Variants in SAMMSON observed in about 807,000 individuals in gnomAD.
SAMMSON encodes survival associated mitochondrial melanoma specific oncogenic non-coding RNA.
intron 3 of SAMMSON, among the ~76,000 whole-genome samples, chr3:70,031,879 G>A (rs1311838178): frequency 6.6e-6 from 1 of 152,118 alleles, no homozygotes; most frequent in Non-Finnish European, 1.5e-5. Context: ...CAGGCTCACA[G>A]TAAGCATGCA....
chr3:70,183,614 G>A (rs1409627329), intron 4 of SAMMSON: 5 of 152,120 alleles, frequency 3.3e-5, no homozygotes. Flanking sequence ...ATTACTTGAG[G>A]AGCAGCTTTC....
At chr3:70,339,572 C>G (rs1284428342) in intron 7 of SAMMSON, among the ~76,000 whole-genome samples, 1 of 152,134 alleles carries the variant, frequency 6.6e-6, no homozygotes, top group Admixed American at 6.5e-5. Context: ...AATCAAACAA[C>G]CCCATCAGCA....
At chr3:70,401,365 G>T (rs1056012863) in intron 2 of SAMMSON, among the ~76,000 whole-genome samples, 1 of 152,148 alleles carries the variant, frequency 6.6e-6, no homozygotes, top group African/African-American at 2.4e-5. Context: ...ATCCAAGAAT[G>T]CAAGTTTCAA....
chr3:70,208,261 G>A (rs1701310635), intron 4 of SAMMSON, among the ~76,000 whole-genome samples: 1 of 152,022 alleles, frequency 6.6e-6, no homozygotes, highest in African/African-American at 2.4e-5. Flanking sequence ...TGCCTGGTTG[G>A]TTCAATAATG....
At chr3:70,386,632 A>G (rs1575638762) in intron 9 of SAMMSON, among the ~76,000 whole-genome samples, 2 of 152,168 alleles carry the variant, frequency 1.3e-5, no homozygotes, top group East Asian at 1.9e-4. Flanking sequence ...GTAAAGCCCA[A>G]TGTAATTAGA....
rs190240489 is a variant in SAMMSON at position 70,367,113 on chromosome 3, G to A, written n.913+8789G>A. Among the ~76,000 whole-genome samples, 377 of 151,556 alleles carry A rather than the reference G, an allele frequency of 2.5e-3. 5 individuals carry two copies. The highest frequency in any genetic ancestry group is 2.4e-4 in the Non-Finnish European group (16 of 67,580). Reference sequence around the variant, plus strand: ...CATACAGTAAGCAATGATTAAATCCGGGTAATTGAGATATCTTTCCATCAC... The same window carrying A: ...CATACAGTAAGCAATGATTAAATCCAGGTAATTGAGATATCTTTCCATCAC... On this transcript the variant is annotated intron_variant and non_coding_transcript_variant, in intron 9 of 9. Transcript: ENST00000642114.
intron 7 of SAMMSON, among the ~76,000 whole-genome samples, chr3:70,314,636 A>G (rs1473043155): frequency 2.0e-5 from 3 of 152,158 alleles, no homozygotes; most frequent in African/African-American, 4.8e-5. Context: ...TGAGCCAGGG[A>G]CACGGCTGAA....
chr3:70,100,933 T>A (rs2067343034), intron 4 of SAMMSON, among the ~76,000 whole-genome samples: 1 of 152,224 alleles, frequency 6.6e-6, no homozygotes, highest in Admixed American at 6.5e-5. Flanking sequence ...ATTTAGAAAT[T>A]CTTATTAATC....
chr3:70,263,511 A>T (rs1024585955), intron 6 of SAMMSON, among the ~76,000 whole-genome samples: 1 of 152,074 alleles, frequency 6.6e-6, no homozygotes, highest in Non-Finnish European at 1.5e-5. Context: ...AATTCAAGTA[A>T]TTTTCAGCCC....
At chr3:70,033,893 A>T (rs1012063102) in intron 3 of SAMMSON, among the ~76,000 whole-genome samples, 4 of 152,150 alleles carry the variant, frequency 2.6e-5, no homozygotes, top group African/African-American at 9.6e-5. Context: ...AGGATGTCAG[A>T]GGATGGGGAA....
intron 7 of SAMMSON, among the ~76,000 whole-genome samples, chr3:70,338,563 C>G (rs1376694911): frequency 2.0e-5 from 3 of 152,084 alleles, no homozygotes; most frequent in Non-Finnish European, 4.4e-5. Context: ...TCTCAGAATA[C>G]AAAATCAAAG....
chr3:70,101,116 G>A (rs2067344113), intron 4 of SAMMSON, among the ~76,000 whole-genome samples: 1 of 152,152 alleles, frequency 6.6e-6, no homozygotes, highest in East Asian at 1.9e-4. Flanking sequence ...AGATGGTGCA[G>A]TAATGTGTAG....
intron 4 of SAMMSON, among the ~76,000 whole-genome samples, chr3:70,191,396 C>T (rs2106711888): frequency 6.6e-6 from 1 of 152,258 alleles, no homozygotes; most frequent in East Asian, 1.9e-4. Flanking sequence ...TGGTGGAATG[C>T]TGATGAGGGG....
chr3:70,154,365 C>G (rs745417290), intron 4 of SAMMSON, among the ~76,000 whole-genome samples: 1 of 152,024 alleles, frequency 6.6e-6, no homozygotes, highest in Non-Finnish European at 1.5e-5. Flanking sequence ...GAGGACAGGT[C>G]ACTTGCCTAT....
chr3:70,141,390 A>T (rs1294127720), intron 4 of SAMMSON, among the ~76,000 whole-genome samples: 1 of 152,108 alleles, frequency 6.6e-6, no homozygotes. Context: ...AGCTCTAAGA[A>T]AGACAGCAAA....
At chr3:70,427,847 T>C (rs1701384168) in intron 2 of SAMMSON, among the ~76,000 whole-genome samples, 1 of 152,166 alleles carries the variant, frequency 6.6e-6, no homozygotes, top group Non-Finnish European at 1.5e-5. Context: ...TTAATTAACT[T>C]CAAGGAAATC....
At chr3:70,004,092 C>T (rs1242413455) in intron 1 of SAMMSON, among the ~76,000 whole-genome samples, 1 of 151,868 alleles carries the variant, frequency 6.6e-6, no homozygotes, top group Non-Finnish European at 1.5e-5. Context: ...GGTTAAAATA[C>T]TATTATGATT....
chr3:70,137,285 A>G (rs2067509988), intron 4 of SAMMSON, among the ~76,000 whole-genome samples: 1 of 152,226 alleles, frequency 6.6e-6, no homozygotes. Flanking sequence ...TTTATTTTAA[A>G]AAAACTCCTC....
chr3:70,338,287 C>T (rs1702682143), intron 7 of SAMMSON, among the ~76,000 whole-genome samples: 1 of 151,790 alleles, frequency 6.6e-6, no homozygotes, highest in African/African-American at 2.4e-5. Context: ...ATTATAAATT[C>T]CCTTTACTAT....
Sources: gnomAD v4.1 joint callset for allele counts (sites outside exome capture counted in the v4.1 genomes callset) on GRCh38, gnomAD v4.1.1 for gene constraint, MANE v1.5 for transcripts, NCBI Gene and HGNC (gene_info 2026-07-23, HGNC 2026-07-21) for gene names.